Variants in SDHAF3 observed in about 807,000 individuals in gnomAD.
The protein encoded by SDHAF3 is succinate dehydrogenase complex assembly factor 3.
In SDHAF3, 18 loss-of-function variants were observed where a neutral mutation model predicts 11.5. The observed-to-expected ratio is 1.56, with a 90% CI of 1.08 to 2.32. The LOEUF (loss-of-function observed/expected upper bound fraction) is 2.32, where lower values mean the gene tolerates loss of function less well. Ranked by LOEUF, SDHAF3 falls within the 30% of genes most tolerant of loss-of-function variation. SDHAF3 has a pLI of 0.00. For synonymous variants in SDHAF3, 72 were observed against 59.3 expected (o/e 1.21, Z -0.99); for missense variants, 200 against 154.4 (o/e 1.30, Z -1.57).
At chr7:97,130,663 A>C (rs1303543800) in intron 1 of SDHAF3, among the ~76,000 whole-genome samples, 1 of 152,186 alleles carries the variant, frequency 6.6e-6, no homozygotes, top group Non-Finnish European at 1.5e-5. Flanking sequence ...GGCTACGACC[A>C]TTTGGCAGGT....
At chr7:97,162,110 T>G (rs980704158) in intron 1 of SDHAF3, among the ~76,000 whole-genome samples, 1 of 152,210 alleles carries the variant, frequency 6.6e-6, no homozygotes, top group Admixed American at 6.5e-5. Flanking sequence ...TTCCTGACTT[T>G]TTAATCATCG....
At chr7:97,161,238 T>C (rs1789405067) in intron 1 of SDHAF3, among the ~76,000 whole-genome samples, 1 of 152,164 alleles carries the variant, frequency 6.6e-6, no homozygotes, top group South Asian at 2.1e-4. Context: ...TAAGCTATGA[T>C]CTTGGGTAGG....
At chr7:97,180,669 G>T (rs965602211) in intron 1 of SDHAF3, among the ~76,000 whole-genome samples, 4 of 152,112 alleles carry the variant, frequency 2.6e-5, no homozygotes, top group African/African-American at 7.2e-5. Flanking sequence ...GAAAGCTATG[G>T]CCCCAGAAAT....
chr7:97,166,416 G>A (rs1789505790), intron 1 of SDHAF3, among the ~76,000 whole-genome samples: 1 of 138,360 alleles, frequency 7.2e-6, no homozygotes, highest in South Asian at 2.5e-4. Context: ...TTTCTGATGG[G>A]CAATTGGTTG....
At chr7:97,136,575 T>C (rs1791773706) in intron 1 of SDHAF3, 3 of 527,328 alleles carry the variant, frequency 5.7e-6, no homozygotes, top group African/African-American at 5.6e-5. Context: ...TTATGTAAGA[T>C]TGAACTATGT....
At chr7:97,164,911 G>T (rs1789477091) in intron 1 of SDHAF3, among the ~76,000 whole-genome samples, 1 of 152,100 alleles carries the variant, frequency 6.6e-6, no homozygotes, top group Non-Finnish European at 1.5e-5. Context: ...AGGAAAGATG[G>T]CAAGATAAAC....
chr7:97,181,285 A>AAAT lies in SDHAF3; in HGVS notation c.*72_*74dup, dbSNP rs1450309340. The AAAT allele has an allele frequency of 8.4e-7, 1 of 1,184,888 alleles. No homozygotes were observed. Among genetic ancestry groups the AAAT allele is most frequent in the Non-Finnish European group, 1.2e-6 (1 of 846,154 alleles). The allele number at this position is 1,184,888 out of a possible 1,614,324, so 73.4% of individuals were successfully genotyped here. A position where few individuals can be genotyped will look rare whatever the true frequency, so the allele number is the denominator to read the frequency against. ...CTACTTTAACTGTCATTGGTTTTTG[A>AAAT]AATATATTTAAGCTTTGAAAACACC... On this transcript the variant is annotated 3_prime_UTR_variant, in exon 2 of 2. Transcript: ENST00000432641.
intron 1 of SDHAF3, chr7:97,136,585 T>C (rs746323708): frequency 2.2e-6 from 1 of 459,764 alleles, no homozygotes; most frequent in Non-Finnish European, 3.9e-6. Flanking sequence ...TTGAACTATG[T>C]ACAGTACGCT....
chr7:97,158,869 A>G (rs1047154537), intron 1 of SDHAF3, among the ~76,000 whole-genome samples: 1 of 152,206 alleles, frequency 6.6e-6, no homozygotes, highest in African/African-American at 2.4e-5. Flanking sequence ...AATTTGATTC[A>G]TGAAGCTTTA....
intron 1 of SDHAF3, among the ~76,000 whole-genome samples, chr7:97,172,971 G>A (rs939383111): frequency 2.0e-5 from 3 of 152,214 alleles, no homozygotes; most frequent in Non-Finnish European, 4.4e-5. Flanking sequence ...GTTTTGGGAT[G>A]AAATGGCTCC....
chr7:97,137,595 A>G (rs1397018292), intron 1 of SDHAF3, among the ~76,000 whole-genome samples: 1 of 152,152 alleles, frequency 6.6e-6, no homozygotes. Context: ...AATGTCTACT[A>G]TTTTTTAGGG....
At chr7:97,163,331 A>G (rs1789444897) in intron 1 of SDHAF3, among the ~76,000 whole-genome samples, 2 of 152,212 alleles carry the variant, frequency 1.3e-5, no homozygotes, top group South Asian at 4.1e-4. Flanking sequence ...TAGTAGAGAC[A>G]GGGTTTCACC....
intron 1 of SDHAF3, among the ~76,000 whole-genome samples, chr7:97,175,262 A>G (rs1789663473): frequency 6.6e-6 from 1 of 152,200 alleles, no homozygotes. Context: ...ATGTTATTAA[A>G]CTGACACTTT....
intron 1 of SDHAF3, among the ~76,000 whole-genome samples, chr7:97,129,816 C>G (rs557960442): frequency 6.6e-6 from 1 of 152,248 alleles, no homozygotes; most frequent in Admixed American, 6.5e-5. Flanking sequence ...CCCATGTCTG[C>G]TGAGGGCGAG....
intron 1 of SDHAF3, among the ~76,000 whole-genome samples, chr7:97,175,457 C>T (rs371387850): frequency 7.9e-5 from 12 of 152,192 alleles, no homozygotes; most frequent in South Asian, 6.2e-4. Context: ...TCTTTGTGTT[C>T]GTGAGTTCTC....
intron 1 of SDHAF3, among the ~76,000 whole-genome samples, chr7:97,158,395 T>C (rs1789340120): frequency 6.6e-6 from 1 of 152,180 alleles, no homozygotes; most frequent in African/African-American, 2.4e-5. Context: ...TGGCACAATC[T>C]CGGCTCATTG....
intron 1 of SDHAF3, among the ~76,000 whole-genome samples, chr7:97,143,588 A>G (rs1177688218): frequency 6.6e-6 from 1 of 151,992 alleles, no homozygotes; most frequent in East Asian, 1.9e-4. Flanking sequence ...CGTCACTTGG[A>G]ATGATAGTCT....
chr7:97,158,634 T>C (rs1206474942), intron 1 of SDHAF3, among the ~76,000 whole-genome samples: 2 of 152,144 alleles, frequency 1.3e-5, no homozygotes, highest in South Asian at 4.1e-4. Context: ...AGTTTCCCCA[T>C]GTTTATGAGT....
chr7:97,122,731 T>C (rs1174924488), intron 1 of SDHAF3, among the ~76,000 whole-genome samples: 1 of 152,136 alleles, frequency 6.6e-6, no homozygotes, highest in Non-Finnish European at 1.5e-5. Context: ...GAGATATGTG[T>C]TGGTCTGATA....
Sources: gnomAD v4.1 joint callset for allele counts (sites outside exome capture counted in the v4.1 genomes callset) on GRCh38, gnomAD v4.1.1 for gene constraint, MANE v1.5 for transcripts, NCBI Gene and HGNC (gene_info 2026-07-23, HGNC 2026-07-21) for gene names.